CHRM3: variants seen among roughly 807,000 people sequenced by gnomAD.
The protein encoded by CHRM3 is muscarinic acetylcholine receptor M3.
CHRM3 carries 11 observed loss-of-function variants against 41.8 expected under a neutral mutation model. The ratio of observed to expected loss-of-function variants is 0.26; its 90% CI spans 0.17 to 0.44. CHRM3 has a LOEUF of 0.44. Ranked by LOEUF, CHRM3 falls within the 20% of genes least tolerant of loss-of-function variation. The probability of loss-of-function intolerance (pLI) is 1.00; values close to 1 mark genes in which losing one functional copy is unlikely to be tolerated. For synonymous variants in CHRM3, 297 were observed against 301.4 expected (o/e 0.99, Z 0.15); for missense variants, 571 against 745.4 (o/e 0.77, Z 2.72).
At chr1:239,551,918 T>C (rs1659868643) in intron 3 of CHRM3, among the ~76,000 whole-genome samples, 1 of 152,152 alleles carries the variant, frequency 6.6e-6, no homozygotes, top group African/African-American at 2.4e-5. Flanking sequence ...CATAAGCTAT[T>C]GTAGATTAAC....
intron 2 of CHRM3, among the ~76,000 whole-genome samples, chr1:239,519,787 A>ACCC (rs1360721193): frequency 1.7e-5 from 2 of 117,074 alleles, no homozygotes; most frequent in Non-Finnish European, 3.2e-5. Flanking sequence ...TCGCTCAGTC[A>ACCC]CCCAGGCTAG....
intron 5 of CHRM3, among the ~76,000 whole-genome samples, chr1:239,709,054 T>G (rs1661498485): frequency 1.3e-5 from 2 of 152,112 alleles, no homozygotes; most frequent in African/African-American, 4.8e-5. Context: ...AAAATTATAC[T>G]CCCTAAAACA....
intron 3 of CHRM3, among the ~76,000 whole-genome samples, chr1:239,562,593 A>T (rs1185847874): frequency 1.3e-5 from 2 of 152,064 alleles, no homozygotes; most frequent in African/African-American, 4.8e-5. Flanking sequence ...TATTATTATT[A>T]TTTTTAAAGC....
At chr1:239,489,181 AG>A (rs1314255278) in intron 1 of CHRM3, among the ~76,000 whole-genome samples, 1 of 152,192 alleles carries the variant, frequency 6.6e-6, no homozygotes, top group African/African-American at 2.4e-5. Flanking sequence ...TGGGAGGCCA[AG>A]GCAGGCAGAT....
chr1:239,659,769 C>T (rs1007583790), intron 4 of CHRM3, among the ~76,000 whole-genome samples: 1 of 152,138 alleles, frequency 6.6e-6, no homozygotes, highest in South Asian at 2.1e-4. Context: ...GGTACCATTC[C>T]AACATGTATA....
intron 3 of CHRM3, among the ~76,000 whole-genome samples, chr1:239,568,152 G>T (rs1036069660): frequency 6.6e-6 from 1 of 152,116 alleles, no homozygotes; most frequent in Non-Finnish European, 1.5e-5. Context: ...CCAGGCTGGT[G>T]TGGGTAGCCT....
chr1:239,485,124 G>T (rs751406270), intron 1 of CHRM3, among the ~76,000 whole-genome samples: 11 of 152,118 alleles, frequency 7.2e-5, no homozygotes, highest in Non-Finnish European at 1.2e-4. Flanking sequence ...AAGGAAAAAT[G>T]TAAATTCCAG....
At chr1:239,515,091 T>C (rs1340944742) in intron 2 of CHRM3, among the ~76,000 whole-genome samples, 1 of 152,136 alleles carries the variant, frequency 6.6e-6, no homozygotes, top group East Asian at 1.9e-4. Context: ...TACATCAAAA[T>C]ATTCTGATTT....
At chr1:239,822,905 G>T (rs1672166952) in intron 5 of CHRM3, among the ~76,000 whole-genome samples, 1 of 152,188 alleles carries the variant, frequency 6.6e-6, no homozygotes. Context: ...TAAAAGATAT[G>T]TGTTGAGACC....
chr1:239,671,657 A>G (rs1484756687), intron 4 of CHRM3, among the ~76,000 whole-genome samples: 1 of 151,766 alleles, frequency 6.6e-6, no homozygotes, highest in Admixed American at 6.6e-5. Flanking sequence ...TATTGAAAAC[A>G]GTTATTTTAT....
chr1:239,404,408 G>GAAAGA (rs1660336855), intron 1 of CHRM3, among the ~76,000 whole-genome samples: 1 of 38,784 alleles, frequency 2.6e-5, no homozygotes, highest in African/African-American at 1.1e-4. Flanking sequence ...AAGAAAGAAA[G>GAAAGA]AAAAAGAAAG....
intron 1 of CHRM3, among the ~76,000 whole-genome samples, chr1:239,406,753 T>C (rs1250729998): frequency 2.0e-5 from 3 of 152,222 alleles, no homozygotes; most frequent in Non-Finnish European, 4.4e-5. Flanking sequence ...GATGCTTTTA[T>C]TGACTTCCAA....
At chr1:239,405,383 G>T (rs953808583) in intron 1 of CHRM3, among the ~76,000 whole-genome samples, 5 of 152,080 alleles carry the variant, frequency 3.3e-5, no homozygotes, top group African/African-American at 1.2e-4. Flanking sequence ...AGATGAATAA[G>T]CAGGACAAGA....
At chr1:239,793,636 C>T (rs1349390252) in intron 5 of CHRM3, among the ~76,000 whole-genome samples, 2 of 151,986 alleles carry the variant, frequency 1.3e-5, no homozygotes, top group Non-Finnish European at 2.9e-5. Flanking sequence ...TCCTCTTGAG[C>T]TTTTAAGCAT....
Position 239,403,756 on chromosome 1 carries a change from C to T in CHRM3, c.-521+16529C>T, listed in dbSNP as rs927700574. 5.3e-5 allele frequency among the ~76,000 whole-genome samples: 8 copies of T among 151,834 alleles called. 2 individuals are homozygous for T. The highest frequency in any genetic ancestry group is 5.2e-4 in the Admixed American group (8 of 15,256). Reference sequence around the variant, plus strand: ...GACTTGGAGGGGTGATCATGTGTGGCCCAGGATCGTATACATCATAATCAT... The same window carrying T: ...GACTTGGAGGGGTGATCATGTGTGGTCCAGGATCGTATACATCATAATCAT... On this transcript the variant is annotated intron_variant, in intron 1 of 6. Transcript: ENST00000676153.
chr1:239,825,300 C>G (rs977545289), intron 5 of CHRM3, among the ~76,000 whole-genome samples: 3 of 152,204 alleles, frequency 2.0e-5, no homozygotes, highest in African/African-American at 4.8e-5. Context: ...GCCCTCTACA[C>G]CATGTATTTC....
chr1:239,821,453 G>A (rs992704331), intron 5 of CHRM3, among the ~76,000 whole-genome samples: 2 of 152,110 alleles, frequency 1.3e-5, no homozygotes, highest in African/African-American at 4.8e-5. Context: ...TCCACTATCA[G>A]GATATTCCCA....
At chr1:239,704,685 T>C (rs1009567199) in intron 5 of CHRM3, 1 of 152,174 alleles carries the variant, frequency 6.6e-6, no homozygotes, top group Admixed American at 6.5e-5. Flanking sequence ...ACGAGGCTTA[T>C]TTATTGCCAG....
chr1:239,641,325 A>G (rs1484638797), intron 4 of CHRM3, among the ~76,000 whole-genome samples: 1 of 151,144 alleles, frequency 6.6e-6, no homozygotes, highest in African/African-American at 2.4e-5. Context: ...ATCCTTGTTA[A>G]CTTTCTGTCT....
Sources: gnomAD v4.1 joint callset for allele counts (sites outside exome capture counted in the v4.1 genomes callset) on GRCh38, gnomAD v4.1.1 for gene constraint, MANE v1.5 for transcripts, NCBI Gene and HGNC (gene_info 2026-07-23, HGNC 2026-07-21) for gene names.